The following CORO1C variants were observed in gnomAD, a reference collection of about 807,000 sequenced individuals.
CORO1C encodes coronin 1C.
A neutral mutation model predicts 51.2 loss-of-function variants in CORO1C; 14 were observed. The observed-to-expected ratio is 0.27, with a 90% CI of 0.18 to 0.43. The LOEUF (loss-of-function observed/expected upper bound fraction) is 0.43, where lower values mean the gene tolerates loss of function less well. Ranked by LOEUF, CORO1C falls within the 20% of genes least tolerant of loss-of-function variation. The probability of loss-of-function intolerance (pLI) is 1.00; values close to 1 mark genes in which losing one functional copy is unlikely to be tolerated. For synonymous variants in CORO1C, 181 were observed against 210.5 expected (o/e 0.86, Z 1.21); for missense variants, 417 against 607.8 (o/e 0.69, Z 3.30).
intron 1 of CORO1C, among the ~76,000 whole-genome samples, chr12:108,723,060 G>A (rs1443305429): frequency 6.6e-6 from 1 of 152,184 alleles, no homozygotes; most frequent in African/African-American, 2.4e-5. Context: ...AAGAACTGTG[G>A]CCAGCCCTCA....
chr12:108,698,565 C>A (rs892449061), intron 2 of CORO1C, among the ~76,000 whole-genome samples: 1 of 152,190 alleles, frequency 6.6e-6, no homozygotes, highest in Non-Finnish European at 1.5e-5. Flanking sequence ...CACCACCATG[C>A]CCGGCTAATT....
At chr12:108,711,747 T>G (rs1353332201) in intron 1 of CORO1C, among the ~76,000 whole-genome samples, 2 of 150,234 alleles carry the variant, frequency 1.3e-5, no homozygotes, top group Non-Finnish European at 3.0e-5. Context: ...GAGGAAAAAA[T>G]GCAGACAAGA....
intron 1 of CORO1C, among the ~76,000 whole-genome samples, chr12:108,725,016 T>TA (rs1034218287): frequency 1.2e-4 from 18 of 152,136 alleles, no homozygotes; most frequent in African/African-American, 4.3e-4. Context: ...CTTCAAATCC[T>TA]AAAAAAATCC....
At position 108,701,322 on chromosome 12, in the gene CORO1C, G is replaced by A. The variant is rs1487109253; in HGVS notation, c.-4C>T. 1.2e-6 allele frequency: 2 copies of A among 1,614,138 alleles called. No individual in the cohort carries two copies. Among genetic ancestry groups the A allele is most frequent in the Non-Finnish European group, 1.7e-6 (2 of 1,180,014 alleles). ...TCTGTCGTACCACTCGCCTCATCGT[G>A]TCTGCAAAGGAAGAGTGAGAATTAT... On this transcript the variant is annotated splice_region_variant and 5_prime_UTR_variant, in exon 2 of 11. Coordinates refer to ENST00000261401, the MANE Select transcript of CORO1C (RefSeq NM_014325.4).
chr12:108,651,713 C>T (rs762071723), intron 8 of CORO1C, among the ~76,000 whole-genome samples: 36 of 152,146 alleles, frequency 2.4e-4, no homozygotes, highest in Non-Finnish European at 4.6e-4. Flanking sequence ...TGCAATACAC[C>T]CCAGCTATGC....
intron 1 of CORO1C, among the ~76,000 whole-genome samples, chr12:108,716,002 G>A (rs1279663197): frequency 4.0e-5 from 6 of 151,484 alleles, no homozygotes; most frequent in Middle Eastern, 3.4e-3. Flanking sequence ...GTGGTGGCAC[G>A]CGCCTGTAAT....
At chr12:108,696,018 G>T (rs2034667772) in intron 2 of CORO1C, among the ~76,000 whole-genome samples, 1 of 152,052 alleles carries the variant, frequency 6.6e-6, no homozygotes, top group Non-Finnish European at 1.5e-5. Context: ...TAAAATAAAT[G>T]GGAGAAACAC....
chr12:108,657,476 A>G lies in CORO1C; in HGVS notation c.631-53T>C, dbSNP rs1272550767. ...CATTAAACTGCAAGAAGACAAGGTG[A>G]GTGGAGAAACTCGGGCACAGATCCA... On this transcript the variant is annotated intron_variant, in intron 5 of 10. Coordinates refer to ENST00000261401, the MANE Select transcript of CORO1C (RefSeq NM_014325.4). 5 of 1,593,754 alleles carry G rather than the reference A, an allele frequency of 3.1e-6. No individual in the cohort carries two copies. In the Admixed American group the frequency reaches 6.8e-5, roughly 22 times the overall value.
chr12:108,677,784 C>T (rs1368796779), intron 3 of CORO1C, among the ~76,000 whole-genome samples: 2 of 152,006 alleles, frequency 1.3e-5, no homozygotes, highest in East Asian at 3.9e-4. Flanking sequence ...TTTGGGAGGC[C>T]GAGGCAGGCG....
chr12:108,649,280 A>G, intron 8 of CORO1C: 1 of 516,526 alleles, frequency 1.9e-6, no homozygotes, highest in East Asian at 3.4e-5. Flanking sequence ...TGATGATGAC[A>G]AATGCCAATT....
chr12:108,688,422 T>C (rs552597769), intron 2 of CORO1C, among the ~76,000 whole-genome samples: 5 of 152,336 alleles, frequency 3.3e-5, no homozygotes, highest in Admixed American at 6.5e-5. Flanking sequence ...GTATTACACA[T>C]GTACCGCAGC....
chr12:108,700,391 A>G (rs2034829646), intron 2 of CORO1C, among the ~76,000 whole-genome samples: 1 of 152,172 alleles, frequency 6.6e-6, no homozygotes, highest in Non-Finnish European at 1.5e-5. Context: ...TTTGATCTGC[A>G]GTATTCATGA....
intron 2 of CORO1C, among the ~76,000 whole-genome samples, chr12:108,684,874 AT>A (rs968457496): frequency 7.2e-5 from 11 of 151,728 alleles, no homozygotes; most frequent in South Asian, 2.1e-4. Flanking sequence ...TTGCATTAAA[AT>A]TTTTTTTTAC....
chr12:108,678,496 T>A (rs1302662722), intron 2 of CORO1C, 102 bp from the exon 3 acceptor site: 5 of 1,026,246 alleles, frequency 4.9e-6, no homozygotes, highest in African/African-American at 1.6e-5. Flanking sequence ...CCCAAAACTC[T>A]CAATTTTCTA....
intron 3 of CORO1C, among the ~76,000 whole-genome samples, chr12:108,676,036 G>A (rs146846953): frequency 9.5e-4 from 145 of 152,110 alleles, no homozygotes; most frequent in Non-Finnish European, 2.6e-4. Context: ...TGATGAAGGA[G>A]GAATCTTTAG....
At chr12:108,702,709 A>G in intron 1 of CORO1C, 1 of 1,355,262 alleles carries the variant, frequency 7.4e-7, no homozygotes, top group Non-Finnish European at 9.6e-7. Flanking sequence ...GCTGTTGCTA[A>G]TTCCTTTCCT....
chr12:108,648,534 T>C lies in CORO1C; in HGVS notation c.1305+71A>G, dbSNP rs1477701523. 3.1e-6 allele frequency: 5 copies of C among 1,599,786 alleles called. No homozygotes were observed. In the Admixed American group the frequency reaches 8.4e-5, roughly 27 times the overall value. ...GCTGGGACAGTACTCGCCGACGCCC[T>C]GGACCACAAGGGCTTTCTAGAGGAT... On this transcript the variant is annotated intron_variant, in intron 10 of 10. Coordinates refer to ENST00000261401, the MANE Select transcript of CORO1C (RefSeq NM_014325.4).
rs375858233 is a variant in CORO1C, at chr12:108,694,799, T to C, written c.195+6325A>G. On this transcript the variant is annotated intron_variant, in intron 2 of 10. Transcript: ENST00000261401. Reference sequence around the variant, plus strand: ...TATTATATTTCTACGTAGATTTTTTTCTTAAAGGCTAGGTGGAAATATAGT... The same window carrying C: ...TATTATATTTCTACGTAGATTTTTTCCTTAAAGGCTAGGTGGAAATATAGT... Among the ~76,000 whole-genome samples, 7 of 148,196 alleles carry C rather than the reference T, an allele frequency of 4.7e-5. 1 individual carries two copies. Among genetic ancestry groups the C allele is most frequent in the Admixed American group, 6.8e-5 (1 of 14,770 alleles).
intron 1 of CORO1C, among the ~76,000 whole-genome samples, chr12:108,712,214 A>G (rs373799043): frequency 6.6e-6 from 1 of 152,230 alleles, no homozygotes; most frequent in African/African-American, 2.4e-5. Context: ...AAGACAGCAG[A>G]TGAGGAGACA....
Sources: allele counts gnomAD v4.1 joint callset (sites outside exome capture counted in the v4.1 genomes callset), GRCh38; gene constraint gnomAD v4.1.1; transcripts MANE v1.5; gene names NCBI Gene and HGNC (gene_info 2026-07-23, HGNC 2026-07-21).